The following CSGALNACT1 variants were observed in gnomAD, a reference collection of about 807,000 sequenced individuals.
CSGALNACT1 encodes the protein beta4GalNAcT-1.
In CSGALNACT1, 52 loss-of-function variants were observed where a neutral mutation model predicts 51.0. The observed-to-expected ratio is 1.02, with a 90% CI of 0.82 to 1.29. The LOEUF (loss-of-function observed/expected upper bound fraction) is 1.29. Among genes scored for constraint, CSGALNACT1 ranks in the 50% most tolerant of loss-of-function variants. The pLI is 0.00. For missense variants in CSGALNACT1, 935 were observed against 679.2 expected (o/e 1.38, Z -4.19); for synonymous variants, 341 against 254.4 (o/e 1.34, Z -3.24).
chr8:19,666,999 G>GA (rs1427911438), intron 1 of CSGALNACT1, among the ~76,000 whole-genome samples: 59 of 26,034 alleles, frequency 2.3e-3, no homozygotes, highest in African/African-American at 6.5e-3. Context: ...AAGAAAGAAA[G>GA]AAAGAAAGAA....
At chr8:19,424,344 G>A (rs575203644) in intron 6 of CSGALNACT1, among the ~76,000 whole-genome samples, 6 of 152,090 alleles carry the variant, frequency 3.9e-5, no homozygotes, top group Non-Finnish European at 7.3e-5. Context: ...ATGAATAATG[G>A]TACAATTTTC....
chr8:19,545,019 A>G (rs907441954), intron 3 of CSGALNACT1, among the ~76,000 whole-genome samples: 2 of 151,730 alleles, frequency 1.3e-5, no homozygotes, highest in Admixed American at 6.6e-5. Context: ...TTTTTTTCCA[A>G]TAACTTAGCT....
intron 1 of CSGALNACT1, among the ~76,000 whole-genome samples, chr8:19,660,869 T>C (rs1197451598): frequency 6.6e-6 from 1 of 152,150 alleles, no homozygotes. Flanking sequence ...ACCTCCAGAA[T>C]GACCTCATTC....
chr8:19,484,891 A>C (rs1271186848), intron 4 of CSGALNACT1, among the ~76,000 whole-genome samples: 2 of 152,168 alleles, frequency 1.3e-5, no homozygotes, highest in Non-Finnish European at 2.9e-5. Context: ...GTGCACTCAC[A>C]AAGGAAGAGT....
chr8:19,596,096 G>A (rs2048837749), intron 2 of CSGALNACT1, among the ~76,000 whole-genome samples: 1 of 152,016 alleles, frequency 6.6e-6, no homozygotes, highest in Non-Finnish European at 1.5e-5. Flanking sequence ...TTGAACTCCT[G>A]AGCTCAAGCA....
Position 19,750,504 on chromosome 8 carries a change from C to G in CSGALNACT1, c.-297+7346G>C, listed in dbSNP as rs1197332927. Among the ~76,000 whole-genome samples, 7 of 152,334 alleles carry G rather than the reference C, an allele frequency of 4.6e-5. No individual in the cohort carries two copies. In the East Asian group the frequency reaches 1.3e-3, roughly 29 times the overall value. ...GGACACTGCTATTGGTTGGTACCTA[C>G]TACTTCCTGGTGGCTCGGAACCTTA... is the stretch of plus-strand genomic sequence containing the variant. On this transcript the variant is annotated intron_variant, in intron 1 of 1. Coordinates refer to the CSGALNACT1 transcript ENST00000517494.
At chr8:19,631,417 C>G (rs1203276841) in intron 1 of CSGALNACT1, among the ~76,000 whole-genome samples, 5 of 152,118 alleles carry the variant, frequency 3.3e-5, no homozygotes, top group African/African-American at 1.2e-4. Flanking sequence ...TGTCTAATAG[C>G]TGTAGCTTAC....
At chr8:19,541,202 C>T (rs1273733075) in intron 3 of CSGALNACT1, among the ~76,000 whole-genome samples, 1 of 151,768 alleles carries the variant, frequency 6.6e-6, no homozygotes, top group African/African-American at 2.4e-5. Context: ...GCCTCAGCCT[C>T]CCAAGTAGCT....
At chr8:19,609,255 T>A (rs1343077410) in intron 1 of CSGALNACT1, among the ~76,000 whole-genome samples, 1 of 150,668 alleles carries the variant, frequency 6.6e-6, no homozygotes, top group African/African-American at 2.5e-5. Flanking sequence ...TATAGTAATA[T>A]TGCTTATAGA....
chr8:19,424,456 C>A (rs927727129), intron 6 of CSGALNACT1, among the ~76,000 whole-genome samples: 2 of 152,108 alleles, frequency 1.3e-5, no homozygotes, highest in African/African-American at 4.8e-5. Context: ...CTGATAATTA[C>A]CAAGACCCTC....
At chr8:19,701,298 G>A (rs1259130367) in intron 1 of CSGALNACT1, among the ~76,000 whole-genome samples, 1 of 151,746 alleles carries the variant, frequency 6.6e-6, no homozygotes, top group Non-Finnish European at 1.5e-5. Flanking sequence ...TAGGATTACA[G>A]ATGTGCCACC....
chr8:19,743,928 T>C (rs888919253), intron 1 of CSGALNACT1, among the ~76,000 whole-genome samples: 2 of 152,088 alleles, frequency 1.3e-5, no homozygotes, highest in Non-Finnish European at 2.9e-5. Context: ...CAAATTTTTA[T>C]GCAATATATT....
At chr8:19,678,358 G>C (rs2060350117) in intron 1 of CSGALNACT1, among the ~76,000 whole-genome samples, 1 of 152,144 alleles carries the variant, frequency 6.6e-6, no homozygotes, top group Non-Finnish European at 1.5e-5. Context: ...TCCAGACTGA[G>C]AATTCTTCAA....
chr8:19,607,329 C>G (rs1029697875), upstream of CSGALNACT1, among the ~76,000 whole-genome samples: 4 of 152,152 alleles, frequency 2.6e-5, no homozygotes, highest in African/African-American at 9.7e-5. Flanking sequence ...TAAAAAAGCA[C>G]TGACCAATTT....
chr8:19,616,776 A>G (rs537215622), intron 1 of CSGALNACT1, among the ~76,000 whole-genome samples: 2 of 152,242 alleles, frequency 1.3e-5, no homozygotes, highest in South Asian at 4.1e-4. Context: ...AGGCCTCCTC[A>G]TATGCTGAGC....
intron 3 of CSGALNACT1, among the ~76,000 whole-genome samples, chr8:19,528,202 C>T (rs926265577): frequency 2.0e-5 from 3 of 151,892 alleles, no homozygotes; most frequent in African/African-American, 7.3e-5. Context: ...CGGTCATGTT[C>T]TCCAAATTAG....
At chr8:19,654,933 C>T (rs1039740667) in intron 1 of CSGALNACT1, among the ~76,000 whole-genome samples, 2 of 151,718 alleles carry the variant, frequency 1.3e-5, no homozygotes, top group Non-Finnish European at 2.9e-5. Flanking sequence ...GAAAGTATTC[C>T]CCTAGTTCTA....
At chr8:19,585,217 A>G (rs1171720973) in intron 3 of CSGALNACT1, 1 of 152,212 alleles carries the variant, frequency 6.6e-6, no homozygotes, top group Admixed American at 6.5e-5. Flanking sequence ...AGCACTGCTA[A>G]GAGAACGCAG....
chr8:19,603,447 G>A (rs896937392), upstream of CSGALNACT1, among the ~76,000 whole-genome samples: 7 of 152,178 alleles, frequency 4.6e-5, no homozygotes, highest in Non-Finnish European at 1.0e-4. Context: ...CGGTGCCTGC[G>A]CGGCTCCCAC....
Sources: allele counts gnomAD v4.1 joint callset (sites outside exome capture counted in the v4.1 genomes callset), GRCh38; gene constraint gnomAD v4.1.1; transcripts MANE v1.5; gene names NCBI Gene and HGNC (gene_info 2026-07-23, HGNC 2026-07-21).